Variants in YLPM1 observed in about 807,000 individuals in gnomAD.
YLPM1 encodes the protein YLP motif-containing protein 1.
YLPM1 carries 99 observed loss-of-function variants against 230.0 expected under a neutral mutation model. The ratio of observed to expected loss-of-function variants is 0.43; its 90% CI spans 0.37 to 0.51. The LOEUF (loss-of-function observed/expected upper bound fraction) is 0.51. Ranked by LOEUF, YLPM1 falls within the 20% of genes least tolerant of loss-of-function variation. The pLI is 0.00. For synonymous variants in YLPM1, 984 were observed against 942.5 expected (o/e 1.04, Z -0.81); for missense variants, 2,592 against 2,707.7 (o/e 0.96, Z 0.95).
chr14:74,827,798 A>G (rs1314231738), intron 18 of YLPM1: 1 of 985,300 alleles, frequency 1.0e-6, no homozygotes, highest in East Asian at 1.1e-4. Flanking sequence ...TTCTAATACC[A>G]TAACCTGTGT....
rs7141001 is a variant in YLPM1 at position 74,784,041 on chromosome 14, C to T, written c.2282+1716C>T. Among the ~76,000 whole-genome samples, 525 of 152,332 alleles carry T rather than the reference C, an allele frequency of 3.4e-3. 2 individuals carry two copies. Among genetic ancestry groups the T allele is most frequent in the African/African-American group, 0.012 (506 of 41,580 alleles). ...CTGCCATGATTCAAGCCTATACTGT[C>T]AGTGCTTATTTGGCATGTGTATCAT... On this transcript the variant is annotated intron_variant, in intron 4 of 20. Transcript: ENST00000325680.
intron 5 of YLPM1, among the ~76,000 whole-genome samples, chr14:74,800,408 C>T (rs2091313304): frequency 6.6e-6 from 1 of 152,152 alleles, no homozygotes; most frequent in African/African-American, 2.4e-5. Flanking sequence ...TTACTCCGGG[C>T]CAGGAACTGT....
intron 4 of YLPM1, among the ~76,000 whole-genome samples, chr14:74,795,997 C>G (rs2091256911): frequency 6.6e-6 from 1 of 152,178 alleles, no homozygotes; most frequent in Non-Finnish European, 1.5e-5. Flanking sequence ...AAGGGGACAA[C>G]CCAGAAGATG....
chr14:74,815,275 A>G (rs2091467935), intron 11 of YLPM1, among the ~76,000 whole-genome samples: 2 of 151,780 alleles, frequency 1.3e-5, no homozygotes, highest in African/African-American at 2.4e-5. Flanking sequence ...AATTTTGTTG[A>G]TCTTAGTCAG....
intron 1 of YLPM1, among the ~76,000 whole-genome samples, chr14:74,766,213 T>C (rs1395754839): frequency 1.3e-5 from 2 of 152,196 alleles, no homozygotes; most frequent in African/African-American, 4.8e-5. Flanking sequence ...ACGAGAGTTG[T>C]CATGTTCTAG....
At position 74,812,782 on chromosome 14, in the gene YLPM1, A is replaced by G. The variant is rs1475084458; in HGVS notation, c.5502A>G (p.Arg1834=). Reference sequence around the variant, plus strand: ...CGGGCCGGGAGAGCAGACCTGAGAGAGTGAGTCCTATGAAGTTGATTCGTC... The same window carrying G: ...CGGGCCGGGAGAGCAGACCTGAGAGGGTGAGTCCTATGAAGTTGATTCGTC... ...KPPGRESRPE[R]IVVIMRGLPG... The change falls in exon 11 of 21, where the codon AGA becomes AGG. Residue 1834 remains arginine (R), a splice_region_variant and synonymous_variant. Transcript: ENST00000325680. The G allele has an allele frequency of 6.2e-7, 1 of 1,613,018 alleles. No individual in the cohort carries two copies. Among genetic ancestry groups the G allele is most frequent in the Admixed American group, 1.7e-5 (1 of 59,890 alleles).
At chr14:74,811,787 G>A (rs1045322571) in intron 10 of YLPM1, 49 bp downstream of exon 10, 2 of 1,232,108 alleles carry the variant, frequency 1.6e-6, no homozygotes, top group Non-Finnish European at 2.2e-6. Flanking sequence ...TGTAAAGCAT[G>A]GGAGATGCTT....
In YLPM1 at chr14:74,818,213, A is replaced by G; in HGVS notation, c.5947-18A>G. 4 of 1,584,192 alleles carry G rather than the reference A, an allele frequency of 2.5e-6. No individual in the cohort carries two copies. The highest frequency in any genetic ancestry group is 2.3e-5 in the South Asian group (2 of 85,920). On this transcript the variant is annotated intron_variant, in intron 15 of 20. Transcript: ENST00000325680. ...AGTAGTTTCTAGAGATAACTCAACC[A>G]TCTGAATTTTTCAATAGATGGCTGA...
intron 1 of YLPM1, among the ~76,000 whole-genome samples, chr14:74,768,321 C>T (rs1228510858): frequency 6.6e-6 from 1 of 152,164 alleles, no homozygotes; most frequent in African/African-American, 2.4e-5. Flanking sequence ...GAAATCTCGG[C>T]TCACTGCAAC....
chr14:74,784,424 A>G (rs1184206313), intron 4 of YLPM1, among the ~76,000 whole-genome samples: 1 of 152,208 alleles, frequency 6.6e-6, no homozygotes, highest in Non-Finnish European at 1.5e-5. Context: ...CCTCTTAGTG[A>G]TATCAGGAGG....
rs768209519 is a variant in YLPM1, at chr14:74,809,686, C to T, written c.4828C>T (p.Pro1610Ser). ...AAIPSAPVLP[P>S]PPVHSSIPPP... ...AATTCCATCTGCTCCAGTATTACCA[C>T]CCCCACCTGTTCACTCTTCCATTCC... The change falls in exon 7 of 21, where the codon CCC becomes TCC. Residue 1610 changes from proline to serine, a missense_variant. By Grantham distance (74) the Pro-to-Ser change is moderately conservative. Transcript: ENST00000325680. The T allele has an allele frequency of 2.5e-6, 4 of 1,614,044 alleles. No homozygotes were observed. The highest frequency in any genetic ancestry group is 2.7e-5 in the African/African-American group (2 of 75,062).
chr14:74,765,834 C>T (rs2090906269), intron 1 of YLPM1, among the ~76,000 whole-genome samples: 1 of 152,136 alleles, frequency 6.6e-6, no homozygotes, highest in African/African-American at 2.4e-5. Context: ...GTAATGAACT[C>T]AGTGTCTTGA....
chr14:74,811,506 C>A, intron 9 of YLPM1, 114 bp from the exon 10 acceptor site: 2 of 674,610 alleles, frequency 3.0e-6, no homozygotes, highest in Non-Finnish European at 5.0e-6. Context: ...TAAACATTTA[C>A]TGTGTGGAGT....
rs377559087 is a variant in YLPM1, at chr14:74,832,216, C to T, written c.6294+2873C>T. 3.3e-5 allele frequency among the ~76,000 whole-genome samples: 5 copies of T among 152,260 alleles called. 1 individual carries two copies. Among genetic ancestry groups the T allele is most frequent in the African/African-American group, 1.2e-4 (5 of 41,552 alleles). The stretch of plus-strand genomic sequence containing the variant: ...GAAAATTAAAAGGGACACTGATATT[C>T]AAGAAGCCATTTCAAGCTGAAAGTC... On this transcript the variant is annotated intron_variant, in intron 19 of 20. Coordinates refer to ENST00000325680, the MANE Select transcript of YLPM1 (RefSeq NM_019589.3).
Position 74,802,645 on chromosome 14 carries a change from A to G in YLPM1, c.4490A>G (p.Gln1497Arg). ...DHLPPQESRL[Q>R]NTSSRPGMYP... ...CTACCACCTCAGGAATCAAGATTGC[A>G]GAATACATCTTCAAGACCTGGAATG... The change falls in exon 6 of 21, where the codon CAG (glutamine) becomes CGG (arginine). Residue 1497 changes from glutamine to arginine, a missense_variant. Gln to Arg is a conservative substitution (Grantham distance 43, BLOSUM62 1). Transcript: ENST00000325680. The G allele has an allele frequency of 6.2e-7, 1 of 1,613,218 alleles. No homozygotes were observed. The highest frequency in any genetic ancestry group is 8.5e-7 in the Non-Finnish European group (1 of 1,179,564).
chr14:74,800,911 G>A (rs1003303885), intron 5 of YLPM1, among the ~76,000 whole-genome samples: 1 of 152,136 alleles, frequency 6.6e-6, no homozygotes, highest in Non-Finnish European at 1.5e-5. Context: ...CAAAGATAAG[G>A]TAGTATTATC....
At chr14:74,791,853 A>G (rs1434845997) in intron 4 of YLPM1, among the ~76,000 whole-genome samples, 1 of 152,148 alleles carries the variant, frequency 6.6e-6, no homozygotes, top group Non-Finnish European at 1.5e-5. Flanking sequence ...AAAATTCTCA[A>G]GGCATTCACA....
At chr14:74,829,076 T>C in intron 18 of YLPM1, 137 bp from the exon 19 acceptor site, 3 of 917,558 alleles carry the variant, frequency 3.3e-6, no homozygotes, top group Non-Finnish European at 4.9e-6. Context: ...GAAGATAGTT[T>C]GGATCTGCAA....
At chr14:74,802,396 A>G (rs576966426) in intron 5 of YLPM1, among the ~76,000 whole-genome samples, 160 bp from the exon 6 acceptor site, 1 of 152,302 alleles carries the variant, frequency 6.6e-6, no homozygotes, top group Admixed American at 6.5e-5. Context: ...ACATAAAAGC[A>G]AAAGAGGGTA....
Sources: gnomAD v4.1 joint callset for allele counts (sites outside exome capture counted in the v4.1 genomes callset) on GRCh38, gnomAD v4.1.1 for gene constraint, MANE v1.5 for transcripts, NCBI Gene and HGNC (gene_info 2026-07-23, HGNC 2026-07-21) for gene names.